LOC400499: variants seen among roughly 807,000 people sequenced by gnomAD.
the LOC400499 span, among the ~76,000 whole-genome samples, chr16:11,466,578 G>T: frequency 3.7e-4 from 57 of 152,004 alleles, no homozygotes; most frequent in African/African-American, 1.3e-3. Flanking sequence ...TGGTAGAGAC[G>T]GGGTTTTGCC....
the LOC400499 span, among the ~76,000 whole-genome samples, chr16:11,517,664 A>T: frequency 6.6e-6 from 1 of 152,216 alleles, no homozygotes; most frequent in Admixed American, 6.5e-5. Context: ...TTCTTGGGGG[A>T]TATCACACAG....
the LOC400499 span, among the ~76,000 whole-genome samples, chr16:11,374,875 GTC>G: frequency 2.0e-5 from 3 of 152,204 alleles, no homozygotes; most frequent in African/African-American, 4.8e-5. Flanking sequence ...TTGAGACAGA[GTC>G]TGGCTCTGTC....
chr16:11,383,267 C>A, the LOC400499 span, among the ~76,000 whole-genome samples: 2 of 152,120 alleles, frequency 1.3e-5, no homozygotes, highest in Admixed American at 1.3e-4. Context: ...CGGGGTTTCA[C>A]CGTGTTAGCC....
At chr16:11,372,033 A>T in the LOC400499 span, 2 of 152,112 alleles carry the variant, frequency 1.3e-5, no homozygotes, top group Non-Finnish European at 2.9e-5. Flanking sequence ...TGCCAGCTTT[A>T]TTTTTCAGTT....
At chr16:11,436,712 C>A in the LOC400499 span, among the ~76,000 whole-genome samples, 1 of 152,010 alleles carries the variant, frequency 6.6e-6, no homozygotes, top group Admixed American at 6.6e-5. Context: ...CTCAGCCTCC[C>A]GAGTAGCTGG....
the LOC400499 span, among the ~76,000 whole-genome samples, chr16:11,461,392 G>C: frequency 9.2e-5 from 14 of 152,202 alleles, no homozygotes; most frequent in African/African-American, 3.4e-4. Flanking sequence ...GCTAATTTTT[G>C]TATTTTTTGT....
the LOC400499 span, among the ~76,000 whole-genome samples, chr16:11,519,362 G>T: frequency 1.3e-5 from 2 of 152,180 alleles, no homozygotes; most frequent in African/African-American, 4.8e-5. Flanking sequence ...TGGATGAGTG[G>T]AGGGTGGGGA....
At chr16:11,471,603 A>C in the LOC400499 span, 3 of 398,894 alleles carry the variant, frequency 7.5e-6, no homozygotes, top group Non-Finnish European at 1.3e-5. Flanking sequence ...GGCTGACCTA[A>C]GGAGATCCAC....
At chr16:11,390,481 C>T in the LOC400499 span, 5 of 1,235,546 alleles carry the variant, frequency 4.0e-6, no homozygotes, top group Admixed American at 4.2e-5. Flanking sequence ...AGGCAGCCAC[C>T]ACCCACCATG....
the LOC400499 span, among the ~76,000 whole-genome samples, chr16:11,466,803 G>A: frequency 1.3e-5 from 2 of 152,058 alleles, no homozygotes; most frequent in Admixed American, 6.5e-5. Context: ...CTATTTAATT[G>A]TAGAATTTAA....
the LOC400499 span, among the ~76,000 whole-genome samples, chr16:11,505,213 A>G: frequency 6.6e-6 from 1 of 151,866 alleles, no homozygotes; most frequent in Non-Finnish European, 1.5e-5. Context: ...TATACCCACC[A>G]TGGTCGATTT....
At chr16:11,459,842 T>C in the LOC400499 span, 3 of 1,263,804 alleles carry the variant, frequency 2.4e-6, no homozygotes, top group Admixed American at 3.7e-5. Context: ...CCCCAGCTCC[T>C]ACCGTCCATG....
chr16:11,385,087 G>A, the LOC400499 span: 1 of 1,232,262 alleles, frequency 8.1e-7, no homozygotes. Flanking sequence ...AGGGGGCTGG[G>A]CAGGAGGTCT....
the LOC400499 span, chr16:11,404,667 C>A: frequency 2.5e-6 from 1 of 399,034 alleles, no homozygotes. Flanking sequence ...TCTTGAGTGA[C>A]TGGGCCACCC....
chr16:11,412,142 G>T, the LOC400499 span, among the ~76,000 whole-genome samples: 8 of 152,108 alleles, frequency 5.3e-5, no homozygotes, highest in Non-Finnish European at 1.2e-4. Context: ...TGGGATTACA[G>T]GTGTGAGCCG....
the LOC400499 span, among the ~76,000 whole-genome samples, chr16:11,412,276 G>C: frequency 2.6e-5 from 4 of 152,180 alleles, no homozygotes; most frequent in Admixed American, 6.5e-5. Context: ...CTTCACAGTC[G>C]TGGGTGTGTC....
At chr16:11,524,980 T>G in the LOC400499 span, among the ~76,000 whole-genome samples, 1 of 152,292 alleles carries the variant, frequency 6.6e-6, no homozygotes, top group South Asian at 2.1e-4. Context: ...CTGACCTGTT[T>G]AATCCCTCGA....
the LOC400499 span, chr16:11,460,504 G>C: frequency 6.5e-7 from 1 of 1,533,422 alleles, no homozygotes; most frequent in East Asian, 2.5e-5. Context: ...GGATCTGTGT[G>C]CAGTGGAGCT....
the LOC400499 span, among the ~76,000 whole-genome samples, chr16:11,422,696 G>A: frequency 6.6e-6 from 1 of 152,176 alleles, no homozygotes; most frequent in Non-Finnish European, 1.5e-5. Flanking sequence ...AGAAATGCCT[G>A]AGCCCGTGAC....
Sources: gnomAD v4.1 joint callset for allele counts (sites outside exome capture counted in the v4.1 genomes callset) on GRCh38, gnomAD v4.1.1 for gene constraint, MANE v1.5 for transcripts.